The following OTOA variants were observed in gnomAD, a reference collection of about 807,000 sequenced individuals.
OTOA encodes the protein otoancorin.
OTOA carries 70 observed loss-of-function variants against 110.8 expected under a neutral mutation model. That is an observed-to-expected ratio of 0.63 (90% CI 0.52 to 0.77). OTOA has a LOEUF of 0.77. Among genes scored for constraint, OTOA ranks in the 30% least tolerant of loss-of-function variants. The probability of loss-of-function intolerance (pLI) is 0.00; values close to 1 mark genes in which losing one functional copy is unlikely to be tolerated. For missense variants in OTOA, 917 were observed against 1,075.8 expected, an observed-to-expected ratio of 0.85 and a Z score of 2.06; for synonymous variants, 373 against 431.5, an observed-to-expected ratio of 0.86 and a Z score of 1.68.
In OTOA at chr16:21,687,545, G is replaced by A. The variant is rs771088076; in HGVS notation, c.532G>A (p.Glu178Lys). Residue 178 changes from glutamate to lysine, a missense_variant, in exon 8 of 29, where the codon GAG (glutamate) becomes AAG (lysine). By Grantham distance (56) the Glu-to-Lys change is moderately conservative. Around this residue, in one of 6 missense-constraint regions of OTOA, gnomAD observed 840 missense variants for 910.2 expected, o/e 0.92. Coordinates refer to ENST00000646100, the MANE Select transcript of OTOA (RefSeq NM_144672.4). The part of the protein sequence containing the change: ...FQMLNSLECV[E>K]ILGKVLRGSS... The stretch of plus-strand genomic sequence containing the variant: ...GATGCTGAACTCCCTGGAGTGTGTG[G>A]AGATCCTGGGCAAGGTGCTGAGGGG... The A allele has an allele frequency of 4.3e-6, 7 of 1,613,836 alleles. No homozygotes were observed. In the East Asian group the frequency reaches 8.9e-5, roughly 21 times the overall value.
chr16:21,700,479 C>A (rs1898028830), intron 10 of OTOA, among the ~76,000 whole-genome samples: 1 of 152,028 alleles, frequency 6.6e-6, no homozygotes, highest in South Asian at 2.1e-4. Flanking sequence ...AATCCCAGCA[C>A]TTTGGGAGGC....
At position 21,726,453 on chromosome 16, in the gene OTOA, G is replaced by A. The variant is rs141739298; in HGVS notation, c.1881-70G>A. The A allele has an allele frequency of 3.2e-4, 513 of 1,594,800 alleles. 3 individuals carry two copies. The East Asian group carries it at 3.8e-3, about 12-fold the overall frequency. On this transcript the variant is annotated intron_variant, in intron 18 of 28. Transcript: ENST00000646100. Reference sequence around the variant, plus strand: ...CTTTGGGATGAGCTCTTGGGCAGGCGGACCCTGATTTTAGGGGCCAACAGG... The same window carrying A: ...CTTTGGGATGAGCTCTTGGGCAGGCAGACCCTGATTTTAGGGGCCAACAGG...
intron 13 of OTOA, among the ~76,000 whole-genome samples, chr16:21,711,734 TGGGATTACA>T (rs1898363355): frequency 6.6e-6 from 1 of 152,158 alleles, no homozygotes; most frequent in African/African-American, 2.4e-5. Context: ...CCCAAAGTGC[TGGGATTACA>T]GGCATTAGCC....
At chr16:21,699,244 AC>A (rs1297051113) in intron 10 of OTOA, among the ~76,000 whole-genome samples, 1 of 152,030 alleles carries the variant, frequency 6.6e-6, no homozygotes, top group Non-Finnish European at 1.5e-5. Flanking sequence ...GAGACACCGC[AC>A]CCAGCCTAAA....
chr16:21,719,086 A>G (rs1406081254), intron 15 of OTOA, 47 bp from the exon 16 acceptor site: 1 of 1,570,522 alleles, frequency 6.4e-7, no homozygotes, highest in Admixed American at 1.7e-5. Flanking sequence ...AGTGTTGGGC[A>G]CACGCTGAGT....
intron 9 of OTOA, among the ~76,000 whole-genome samples, chr16:21,695,808 G>A (rs1228470271): frequency 1.4e-5 from 2 of 148,030 alleles, no homozygotes; most frequent in African/African-American, 5.0e-5. Context: ...TAAAGAGCTG[G>A]GGAGCATTGG....
intron 21 of OTOA, 95 bp downstream of exon 21, chr16:21,731,025 G>A: frequency 1.4e-6 from 1 of 715,110 alleles, no homozygotes; most frequent in Non-Finnish European, 2.5e-6. Context: ...GCTGTCTATG[G>A]TTCTGGAAGC....
At chr16:21,691,218 G>A (rs982832738) in intron 8 of OTOA, among the ~76,000 whole-genome samples, 1 of 152,046 alleles carries the variant, frequency 6.6e-6, no homozygotes. Flanking sequence ...TCCATCATTG[G>A]AGGACATTTG....
At chr16:21,686,716 A>G (rs1897717847) in intron 7 of OTOA, among the ~76,000 whole-genome samples, 1 of 152,074 alleles carries the variant, frequency 6.6e-6, no homozygotes, top group Admixed American at 6.6e-5. Flanking sequence ...AGCCTGGACA[A>G]CATGGCAAAA....
chr16:21,749,973 C>T (rs1899776346), intron 24 of OTOA, among the ~76,000 whole-genome samples: 2 of 147,910 alleles, frequency 1.4e-5, no homozygotes, highest in East Asian at 2.1e-4. Flanking sequence ...GTGTGAGCCA[C>T]CGTGCCCAGC....
At chr16:21,699,306 T>C (rs1419591572) in intron 10 of OTOA, among the ~76,000 whole-genome samples, 1 of 152,124 alleles carries the variant, frequency 6.6e-6, no homozygotes, top group Non-Finnish European at 1.5e-5. Flanking sequence ...GAGACAACTT[T>C]ATGAGCCCCT....
At chr16:21,756,579 G>A (rs1161692223) in intron 27 of OTOA, among the ~76,000 whole-genome samples, 1 of 152,076 alleles carries the variant, frequency 6.6e-6, no homozygotes, top group African/African-American at 2.4e-5. Context: ...AAGACTTGAA[G>A]CACTGGGAAG....
intron 27 of OTOA, among the ~76,000 whole-genome samples, chr16:21,756,804 T>C (rs1181974387): frequency 6.6e-6 from 1 of 151,268 alleles, no homozygotes; most frequent in Non-Finnish European, 1.5e-5. Flanking sequence ...TCAACAATAT[T>C]GTTTTATTTT....
intron 9 of OTOA, among the ~76,000 whole-genome samples, chr16:21,695,232 C>T (rs1983523): frequency 6.1e-5 from 9 of 146,442 alleles, no homozygotes; most frequent in East Asian, 2.1e-4. Flanking sequence ...AGACCCCCCC[C>T]CCCCATACAA....
chr16:21,684,442 T>C, intron 6 of OTOA: 2 of 1,540,278 alleles, frequency 1.3e-6, no homozygotes, highest in South Asian at 2.4e-5. Flanking sequence ...GCCTGTATTT[T>C]GCTCCTGCGC....
intron 13 of OTOA, among the ~76,000 whole-genome samples, chr16:21,714,373 C>CTT (rs1555499774): frequency 0.013 from 1,356 of 101,480 alleles, 13 homozygotes; most frequent in Middle Eastern, 0.026. Context: ...TTCTTTCTCT[C>CTT]TCTTTCTCTC....
chr16:21,728,550 T>A, intron 20 of OTOA, 119 bp downstream of exon 20: 1 of 1,250,118 alleles, frequency 8.0e-7, no homozygotes, highest in Non-Finnish European at 1.1e-6. Flanking sequence ...AAAATTCTTA[T>A]GCTTATTTTG....
intron 17 of OTOA, chr16:21,721,231 TTACA>T (rs1359432120): frequency 8.0e-6 from 3 of 375,536 alleles, no homozygotes; most frequent in East Asian, 8.2e-5. Context: ...CACATAATTA[TTACA>T]CACACACACA....
intron 21 of OTOA, among the ~76,000 whole-genome samples, chr16:21,735,696 T>C (rs898423936): frequency 1.3e-5 from 2 of 152,114 alleles, no homozygotes; most frequent in Non-Finnish European, 2.9e-5. Flanking sequence ...TGGGCTCTGG[T>C]GATCCTTCTG....
Sources: allele counts gnomAD v4.1 joint callset (sites outside exome capture counted in the v4.1 genomes callset), GRCh38; gene constraint gnomAD v4.1.1; regional missense constraint gnomAD v4.1.1; transcripts MANE v1.5; gene names NCBI Gene and HGNC (gene_info 2026-07-23, HGNC 2026-07-21).